The following EPHA6 variants were observed in gnomAD, a reference collection of about 807,000 sequenced individuals.
EPHA6 encodes the protein ephrin type-A receptor 6.
Under a neutral mutation model 112.0 loss-of-function variants are expected in EPHA6, and 50 were observed. The ratio of observed to expected loss-of-function variants is 0.45; its 90% CI spans 0.36 to 0.56. The LOEUF is 0.56. EPHA6 is among the 20% of genes least tolerant of loss of function. The probability of loss-of-function intolerance (pLI) is 0.00; values close to 1 mark genes in which losing one functional copy is unlikely to be tolerated. For synonymous variants in EPHA6, 529 were observed against 490.7 expected, an observed-to-expected ratio of 1.08 and a Z score of -1.03; for missense variants, 1,280 against 1,417.4, an observed-to-expected ratio of 0.90 and a Z score of 1.56.
intron 14 of EPHA6, among the ~76,000 whole-genome samples, chr3:97,717,252 A>G (rs1210321877): frequency 6.7e-6 from 1 of 150,138 alleles, no homozygotes; most frequent in Non-Finnish European, 1.5e-5. Context: ...AAAAAAAAAG[A>G]CAACAGTTGA....
intron 14 of EPHA6, among the ~76,000 whole-genome samples, chr3:97,645,054 A>C (rs1434000844): frequency 1.3e-5 from 2 of 152,078 alleles, no homozygotes; most frequent in African/African-American, 2.4e-5. Flanking sequence ...TACTGGCAAA[A>C]CGAATCCAGC....
chr3:97,598,331 T>C (rs944390256), intron 12 of EPHA6, among the ~76,000 whole-genome samples: 7 of 151,334 alleles, frequency 4.6e-5, no homozygotes, highest in Non-Finnish European at 7.4e-5. Flanking sequence ...TAATTACATA[T>C]GTATACATGT....
chr3:97,322,976 A>G (rs2082192073), intron 5 of EPHA6, among the ~76,000 whole-genome samples: 1 of 151,986 alleles, frequency 6.6e-6, no homozygotes, highest in Non-Finnish European at 1.5e-5. Context: ...TTATGCTAGC[A>G]TGTATATTAA....
intron 14 of EPHA6, 37 bp downstream of exon 14, chr3:97,638,119 A>T: frequency 6.8e-7 from 1 of 1,473,636 alleles, no homozygotes; most frequent in Non-Finnish European, 9.4e-7. Context: ...TAGTCTGTTT[A>T]CTTTTATTGT....
chr3:97,622,005 A>T (rs1196611952), intron 13 of EPHA6, among the ~76,000 whole-genome samples: 2 of 151,884 alleles, frequency 1.3e-5, no homozygotes, highest in Admixed American at 1.3e-4. Flanking sequence ...ATGCTAGTAG[A>T]CCAAAATATA....
intron 14 of EPHA6, among the ~76,000 whole-genome samples, chr3:97,713,739 G>A (rs7623638): frequency 0.61 from 92,431 of 152,038 alleles, 29,295 homozygotes; most frequent in Middle Eastern, 0.75. Context: ...CATGACCTCA[G>A]AAAGAGAATA....
chr3:97,074,500 AT>A (rs1007262387), intron 3 of EPHA6, among the ~76,000 whole-genome samples: 30 of 151,778 alleles, frequency 2.0e-4, no homozygotes, highest in Admixed American at 4.6e-4. Flanking sequence ...CAATGTTTTA[AT>A]TTTTTTAAGT....
At chr3:97,733,210 A>G (rs964914404) in intron 15 of EPHA6, among the ~76,000 whole-genome samples, 10 of 152,042 alleles carry the variant, frequency 6.6e-5, no homozygotes, top group Admixed American at 2.0e-4. Flanking sequence ...CCTGGGGCCA[A>G]TGGAAAATAG....
chr3:97,060,630 G>T (rs1055731480), intron 3 of EPHA6, among the ~76,000 whole-genome samples: 1 of 151,994 alleles, frequency 6.6e-6, no homozygotes, highest in African/African-American at 2.4e-5. Flanking sequence ...AAAGAAAGTC[G>T]GCCGGGCGCG....
intron 6 of EPHA6, among the ~76,000 whole-genome samples, chr3:97,423,988 C>T (rs371405235): frequency 6.6e-6 from 1 of 152,184 alleles, no homozygotes; most frequent in East Asian, 1.9e-4. Flanking sequence ...CTATTAGTCT[C>T]TTCTCAGGCT....
At chr3:97,033,008 T>C (rs910721600) in intron 3 of EPHA6, among the ~76,000 whole-genome samples, 3 of 151,446 alleles carry the variant, frequency 2.0e-5, no homozygotes, top group Admixed American at 1.3e-4. Context: ...CAGAGTCACA[T>C]TAACTGAGTG....
intron 3 of EPHA6, among the ~76,000 whole-genome samples, chr3:97,015,574 A>AAT (rs1217522379): frequency 1.3e-5 from 2 of 152,238 alleles, no homozygotes; most frequent in Admixed American, 6.5e-5. Flanking sequence ...TGTTAAAAAG[A>AAT]ATATATATAC....
At chr3:97,479,398 G>A in intron 9 of EPHA6, 34 bp downstream of exon 9, 1 of 1,472,504 alleles carries the variant, frequency 6.8e-7, no homozygotes, top group Non-Finnish European at 9.3e-7. Context: ...TCATTATTTT[G>A]TACTGTTCCA....
intron 7 of EPHA6, among the ~76,000 whole-genome samples, chr3:97,469,887 A>T (rs2091171642): frequency 6.6e-6 from 1 of 151,710 alleles, no homozygotes; most frequent in Non-Finnish European, 1.5e-5. Flanking sequence ...TGTGGGGCTG[A>T]AGCCTCACAG....
At chr3:96,974,835 A>C (rs2042458983) in intron 2 of EPHA6, among the ~76,000 whole-genome samples, 1 of 152,160 alleles carries the variant, frequency 6.6e-6, no homozygotes, top group Non-Finnish European at 1.5e-5. Context: ...ATAACAATTT[A>C]TTCATTCTAA....
intron 11 of EPHA6, among the ~76,000 whole-genome samples, chr3:97,590,676 T>C (rs1407404934): frequency 6.6e-6 from 1 of 152,188 alleles, no homozygotes; most frequent in East Asian, 1.9e-4. Flanking sequence ...TCCTATTACT[T>C]GGCTTCAATA....
At chr3:97,699,257 A>G (rs1276576052) in intron 14 of EPHA6, among the ~76,000 whole-genome samples, 1 of 152,228 alleles carries the variant, frequency 6.6e-6, no homozygotes, top group African/African-American at 2.4e-5. Flanking sequence ...TAGGACAGGT[A>G]TAATATATAG....
In EPHA6 at chr3:97,736,470, A is replaced by AGAGTGT. The variant is rs576699039; in HGVS notation, c.3128+353_3128+354insAGTGTG. 5.6e-4 allele frequency among the ~76,000 whole-genome samples: 67 copies of AGAGTGT among 118,874 alleles called. No individual in the cohort carries two copies. The East Asian group carries it at 5.9e-3, about 11-fold the overall frequency. The allele number at this position is 118,874 out of a possible 152,430, so 78.0% of individuals were successfully genotyped here. ...AGTAGAGAGAGAGAGAGAGAGAGAG[A>AGAGTGT]GTGTGTGTGTGTGTGTGTGTGTGTG... On this transcript the variant is annotated intron_variant, in intron 16 of 17. Transcript: ENST00000389672.
At chr3:97,216,287 C>T (rs1390272146) in intron 3 of EPHA6, among the ~76,000 whole-genome samples, 2 of 152,098 alleles carry the variant, frequency 1.3e-5, no homozygotes, top group Non-Finnish European at 2.9e-5. Flanking sequence ...TTTTAAACAA[C>T]CTTATCTCGC....
Sources: allele counts gnomAD v4.1 joint callset (sites outside exome capture counted in the v4.1 genomes callset), GRCh38; gene constraint gnomAD v4.1.1; transcripts MANE v1.5; gene names NCBI Gene and HGNC (gene_info 2026-07-23, HGNC 2026-07-21).